Variants in PHKA1 observed in about 807,000 individuals in gnomAD.
PHKA1 encodes the protein phosphorylase kinase regulatory subunit alpha 1.
Under a neutral mutation model 110.2 loss-of-function variants are expected in PHKA1, and 60 were observed. That is an observed-to-expected ratio of 0.54 (90% CI 0.44 to 0.68). The LOEUF (loss-of-function observed/expected upper bound fraction) is 0.68. PHKA1 is among the 30% of genes least tolerant of loss of function. The pLI is 0.00. For synonymous variants in PHKA1, 316 were observed against 333.6 expected (o/e 0.95, Z 0.58); for missense variants, 801 against 942.5 (o/e 0.85, Z 1.97).
intron 8 of PHKA1, among the ~76,000 whole-genome samples, chrX:72,661,743 C>CAAAAAAAAAA (rs782779792): frequency 3.0e-5 from 1 of 33,112 alleles, no homozygotes. Flanking sequence ...AATGTACTGA[C>CAAAAAAAAAA]AAAAAAAAAA....
intron 6 of PHKA1, among the ~76,000 whole-genome samples, chrX:72,673,585 A>G (rs1025707437): frequency 1.6e-4 from 18 of 111,495 alleles, no homozygotes; most frequent in African/African-American, 5.5e-4. Context: ...GTACCAGTGC[A>G]AAAAGAAACA....
chrX:72,581,295 A>T (rs1556201621), intron 31 of PHKA1, 120 bp from the exon 32 acceptor site: 1 of 519,017 alleles, frequency 1.9e-6, no homozygotes, highest in East Asian at 3.4e-5. Context: ...GTTGGGCCCT[A>T]GACTGTTTAT....
At chrX:72,708,215 G>A (rs1294911788) in intron 2 of PHKA1, among the ~76,000 whole-genome samples, 1 of 111,852 alleles carries the variant, frequency 8.9e-6, no homozygotes, top group East Asian at 2.8e-4. Flanking sequence ...TCATCTCTGG[G>A]CCTCAGTCCC....
At chrX:72,635,379 A>T (rs2053218596) in intron 15 of PHKA1, 80 bp from the exon 16 acceptor site, 1 of 941,580 alleles carries the variant, frequency 1.1e-6, no homozygotes, top group East Asian at 3.3e-5. Flanking sequence ...TCATATATTC[A>T]GAAGAGTATC....
chrX:72,581,025 G>A lies in PHKA1; in HGVS notation c.3649C>T (p.His1217Tyr), dbSNP rs782113018. ...AATYVQEFLP[H>Y]SICAMQ Reference sequence around the variant, plus strand: ...CCTCATTGCATGGCACAGATGCTGTGGGGCAGGAACTCCTGCACGTAGGTG... The same window carrying A: ...CCTCATTGCATGGCACAGATGCTGTAGGGCAGGAACTCCTGCACGTAGGTG... The change falls in exon 32 of 32, where the codon CAC (histidine) becomes TAC (tyrosine). Residue 1217 changes from histidine to tyrosine, a missense_variant. By Grantham distance (83) the His-to-Tyr change is moderately conservative (BLOSUM62 2). Coordinates refer to ENST00000373542, the MANE Select transcript of PHKA1 (RefSeq NM_002637.4). 8.3e-7 allele frequency: 1 copy of A among 1,209,362 alleles called. No homozygotes were observed. The highest frequency in any genetic ancestry group is 1.7e-5 in the African/African-American group (1 of 57,226).
At chrX:72,582,011 A>G (rs1445807317) in intron 31 of PHKA1, among the ~76,000 whole-genome samples, 6 of 112,261 alleles carry the variant, frequency 5.3e-5, no homozygotes, top group Non-Finnish European at 1.1e-4. Flanking sequence ...CTAAAACCAA[A>G]TCTCTTTTCC....
At chrX:72,582,661 T>C in intron 30 of PHKA1, 63 bp from the exon 31 acceptor site, 1 of 744,145 alleles carries the variant, frequency 1.3e-6, no homozygotes, top group Non-Finnish European at 2.1e-6. Context: ...ATCAATCACC[T>C]GCTCTGAAAG....
rs782017533 is a variant in PHKA1, at chrX:72,579,344, T to C, written c.*1658A>G. ...TTACTTATTCATTATATTCATAAGA[T>C]TGTCACTGGTTCTGCAAGAATTGTT... On this transcript the variant is annotated 3_prime_UTR_variant, in exon 32 of 32. Coordinates refer to ENST00000373542, the MANE Select transcript of PHKA1 (RefSeq NM_002637.4). 8.9e-6 allele frequency: 1 copy of C among 111,795 alleles called. No homozygotes were observed. The highest frequency in any genetic ancestry group is 3.8e-4 in the South Asian group (1 of 2,638). 9.2% of individuals were successfully genotyped at this position (111,795 alleles called of 1,213,427 possible).
chrX:72,690,219 T>C lies in PHKA1; in HGVS notation c.454+5489A>G, dbSNP rs187637021. ...TTCTTAATTTTGATACATTCCAGTT[T>C]ATCTATTTTTTCTTCAGTAGCTTAT... is the stretch of plus-strand genomic sequence containing the variant. On this transcript the variant is annotated intron_variant, in intron 4 of 31. Coordinates refer to ENST00000373542, the MANE Select transcript of PHKA1 (RefSeq NM_002637.4). Among the ~76,000 whole-genome samples, 4 of 111,588 alleles carry C rather than the reference T, an allele frequency of 3.6e-5. No individual in the cohort carries two copies. The East Asian group carries it at 1.1e-3, about 31-fold the overall frequency.
At chrX:72,629,426 C>T (rs1472415358) in intron 16 of PHKA1, among the ~76,000 whole-genome samples, 1 of 111,416 alleles carries the variant, frequency 9.0e-6, no homozygotes, top group Non-Finnish European at 1.9e-5. Context: ...TTAAAGTCTC[C>T]TCTATTTCTG....
chrX:72,587,361 T>C (rs782390962), intron 29 of PHKA1, among the ~76,000 whole-genome samples: 31 of 110,959 alleles, frequency 2.8e-4, no homozygotes, highest in Non-Finnish European at 5.1e-4. Context: ...AGAAATAAAA[T>C]CCTTTAGAGA....
chrX:72,712,738 A>ACACATAGCT (rs2054401319), intron 2 of PHKA1, 41 bp downstream of exon 2: 1 of 1,178,021 alleles, frequency 8.5e-7, no homozygotes, highest in African/African-American at 1.8e-5. Flanking sequence ...ACCCCCAATC[A>ACACATAGCT]CACATAGCTC....
chrX:72,610,124 A>C (rs868926003), intron 22 of PHKA1, among the ~76,000 whole-genome samples: 4 of 111,347 alleles, frequency 3.6e-5, no homozygotes, highest in African/African-American at 1.3e-4. Context: ...TGTTGGCAAG[A>C]TTCCAAATCT....
rs186681499 is a variant in PHKA1, at chrX:72,710,846, T to A, written c.237+1933A>T. On this transcript the variant is annotated intron_variant, in intron 2 of 31. Transcript: ENST00000373542. ...TTTTATTTTTTATTTTTTTATTTTT[T>A]TTTTTATTTTTATTTTTATTTTTTA... 2.4e-3 allele frequency among the ~76,000 whole-genome samples: 257 copies of A among 105,910 alleles called. 2 individuals carry two copies. Among genetic ancestry groups the A allele is most frequent in the East Asian group, 4.7e-3 (14 of 3,009 alleles). 92.0% of individuals were successfully genotyped at this position (105,910 alleles called of 115,157 possible).
chrX:72,687,809 T>C (rs2053985076), intron 4 of PHKA1, among the ~76,000 whole-genome samples: 1 of 110,783 alleles, frequency 9.0e-6, no homozygotes, highest in African/African-American at 3.3e-5. Flanking sequence ...TTGTTTATAG[T>C]ATTTTTTTAT....
intron 12 of PHKA1, among the ~76,000 whole-genome samples, chrX:72,651,573 G>GA (rs1305353041): frequency 1.5e-4 from 16 of 108,636 alleles, no homozygotes; most frequent in South Asian, 8.1e-4. Flanking sequence ...TTTAAAAAAA[G>GA]AAAAAAAAAG....
chrX:72,653,571 A>T, intron 10 of PHKA1, 41 bp from the exon 11 acceptor site: 1 of 948,740 alleles, frequency 1.1e-6, no homozygotes, highest in Non-Finnish European at 1.5e-6. Flanking sequence ...ACTTACAGAG[A>T]GTCCCTTTGG....
chrX:72,638,976 A>G (rs2053262839), intron 14 of PHKA1, among the ~76,000 whole-genome samples: 1 of 111,892 alleles, frequency 8.9e-6, no homozygotes, highest in Non-Finnish European at 1.9e-5. Context: ...TGGCTGTTGT[A>G]ATTACTCTCT....
In PHKA1 at chrX:72,667,460, G is replaced by C. The variant is rs782325662; in HGVS notation, c.632C>G (p.Ala211Gly). The C allele has an allele frequency of 5.0e-6, 6 of 1,202,971 alleles. No homozygotes were observed. The African/African-American group carries it at 8.7e-5, about 18-fold the overall frequency. Residue 211 changes from alanine to glycine, a missense_variant, in exon 7 of 32, where the codon GCA (alanine) becomes GGA (glycine). Physicochemically the swap from Ala to Gly is moderately conservative, Grantham distance 60. Coordinates refer to ENST00000373542, the MANE Select transcript of PHKA1 (RefSeq NM_002637.4). ...SVGMAKAALE[A>G]LDELDLFGVK... ...ACCAAACAGATCCAGTTCATCTAAT[G>C]CTTCCAGGGCTGCCTGTGAGGAACA...
Sources: allele counts gnomAD v4.1 joint callset (sites outside exome capture counted in the v4.1 genomes callset), GRCh38; gene constraint gnomAD v4.1.1; transcripts MANE v1.5; gene names NCBI Gene and HGNC (gene_info 2026-07-23, HGNC 2026-07-21).